Variants in EYA2 observed in about 807,000 individuals in gnomAD.
EYA2 encodes EYA transcriptional coactivator and phosphatase 2, also known as protein phosphatase EYA2.
A neutral mutation model predicts 69.2 loss-of-function variants in EYA2; 31 were observed. That is an observed-to-expected ratio of 0.45 (90% CI 0.34 to 0.60). The LOEUF (loss-of-function observed/expected upper bound fraction) is 0.60. Among genes scored for constraint, EYA2 ranks in the 20% least tolerant of loss-of-function variants. EYA2 has a pLI of 0.02. For synonymous variants in EYA2, 257 were observed against 279.4 expected, an observed-to-expected ratio of 0.92 and a Z score of 0.80; for missense variants, 622 against 701.2, an observed-to-expected ratio of 0.89 and a Z score of 1.28.
intron 10 of EYA2, among the ~76,000 whole-genome samples, chr20:47,164,639 G>A (rs2034143604): frequency 6.6e-6 from 1 of 152,152 alleles, no homozygotes; most frequent in South Asian, 2.1e-4. Context: ...ATATGGCCAT[G>A]GCTCAGAGGT....
In EYA2 at chr20:47,188,754, C is replaced by T. The variant is rs550871963; in HGVS notation, c.*621C>T. 4.3e-5 allele frequency: 7 copies of T among 164,470 alleles called. No homozygotes were observed. The highest frequency in any genetic ancestry group is 9.2e-5 in the Non-Finnish European group (7 of 76,204). The allele number at this position is 164,470 out of a possible 1,614,324, so 10.2% of individuals were successfully genotyped here. On this transcript the variant is annotated 3_prime_UTR_variant, in exon 16 of 16. Coordinates refer to ENST00000327619, the MANE Select transcript of EYA2 (RefSeq NM_005244.5). ...ACAGTGCACGTGCCTTACGCTACAT[C>T]TTGTTTTCTAGGAAGAGGGGGATGC...
chr20:47,012,629 G>A (rs1983139262), intron 4 of EYA2, among the ~76,000 whole-genome samples: 1 of 152,174 alleles, frequency 6.6e-6, no homozygotes, highest in Non-Finnish European at 1.5e-5. Context: ...GAGTAGCTGG[G>A]ATTAGAGGTG....
chr20:47,117,835 G>A (rs532956194), intron 9 of EYA2, among the ~76,000 whole-genome samples: 74 of 152,188 alleles, frequency 4.9e-4, no homozygotes, highest in African/African-American at 1.7e-3. Flanking sequence ...CATTTCTGCC[G>A]TTCATACAGC....
At chr20:46,899,765 C>A (rs1984000336) in intron 1 of EYA2, among the ~76,000 whole-genome samples, 1 of 152,162 alleles carries the variant, frequency 6.6e-6, no homozygotes, top group African/African-American at 2.4e-5. Flanking sequence ...GGCTGCGGGT[C>A]AGTGGGGGCT....
At chr20:47,164,364 G>T (rs2034137288) in intron 10 of EYA2, among the ~76,000 whole-genome samples, 1 of 152,304 alleles carries the variant, frequency 6.6e-6, no homozygotes, top group Non-Finnish European at 1.5e-5. Flanking sequence ...GAAAAACAGA[G>T]CCTCCCCAAA....
chr20:46,998,907 G>A (rs993478515), intron 2 of EYA2, among the ~76,000 whole-genome samples: 1 of 152,112 alleles, frequency 6.6e-6, no homozygotes, highest in East Asian at 1.9e-4. Context: ...CCTGTTTCTC[G>A]CTTGCACAGT....
intron 10 of EYA2, among the ~76,000 whole-genome samples, chr20:47,154,348 C>G (rs1324219118): frequency 6.6e-6 from 1 of 152,046 alleles, no homozygotes; most frequent in Non-Finnish European, 1.5e-5. Flanking sequence ...GGCCCTACCT[C>G]TAAATACAGC....
chr20:47,163,646 C>T (rs1346270219), intron 10 of EYA2, among the ~76,000 whole-genome samples: 2 of 139,302 alleles, frequency 1.4e-5, no homozygotes, highest in East Asian at 2.1e-4. Context: ...TGCAGTGAGC[C>T]GAGACTGCAC....
chr20:46,953,847 G>A (rs1445258474), intron 1 of EYA2, among the ~76,000 whole-genome samples: 3 of 152,180 alleles, frequency 2.0e-5, no homozygotes, highest in African/African-American at 7.2e-5. Context: ...ATAAGTAGGA[G>A]CAAAGGAGCT....
At chr20:46,980,017 C>G (rs1980725973) in intron 1 of EYA2, among the ~76,000 whole-genome samples, 1 of 152,174 alleles carries the variant, frequency 6.6e-6, no homozygotes, top group Non-Finnish European at 1.5e-5. Context: ...GAGCAGATAA[C>G]ACGTCTGGTG....
chr20:46,949,875 C>T (rs962207413), intron 1 of EYA2, among the ~76,000 whole-genome samples: 3 of 152,198 alleles, frequency 2.0e-5, no homozygotes, highest in Non-Finnish European at 4.4e-5. Flanking sequence ...TGGCAAGGGT[C>T]CCAACCCCAG....
At chr20:47,117,406 T>TG in intron 9 of EYA2, 1 of 985,424 alleles carries the variant, frequency 1.0e-6, no homozygotes, top group Non-Finnish European at 1.2e-6. Context: ...TGGCTTTTCT[T>TG]GCAGATCCAG....
intron 5 of EYA2, among the ~76,000 whole-genome samples, chr20:47,031,630 T>C (rs1341772887): frequency 6.6e-6 from 1 of 152,204 alleles, no homozygotes; most frequent in African/African-American, 2.4e-5. Flanking sequence ...CCCAGAGGAA[T>C]GAAGGCCCAG....
At chr20:47,014,627 A>AGT (rs1568724580) in intron 4 of EYA2, among the ~76,000 whole-genome samples, 11 of 71,732 alleles carry the variant, frequency 1.5e-4, no homozygotes, top group African/African-American at 5.8e-4. Context: ...ATGTGCACAA[A>AGT]ATGTGTGTGT....
rs184496826 is a variant in EYA2 at position 46,925,336 on chromosome 20, C to G, written c.-11+30349C>G. 5.9e-5 allele frequency among the ~76,000 whole-genome samples: 9 copies of G among 152,226 alleles called. No homozygotes were observed. In the East Asian group the frequency reaches 1.7e-3, roughly 29 times the overall value. ...GGAAAGAAAAGATTCATGACTGGCC[C>G]TATGTAAAAATAAAACACCTCAGCA... is the stretch of plus-strand genomic sequence containing the variant. On this transcript the variant is annotated intron_variant, in intron 1 of 15. Coordinates refer to ENST00000327619, the MANE Select transcript of EYA2 (RefSeq NM_005244.5).
intron 1 of EYA2, among the ~76,000 whole-genome samples, chr20:46,917,418 T>C (rs1279804066): frequency 2.0e-5 from 3 of 152,188 alleles, no homozygotes; most frequent in African/African-American, 4.8e-5. Flanking sequence ...AAAACGAAGA[T>C]TTGAACGCAT....
intron 1 of EYA2, chr20:46,979,556 C>T (rs1479275807): frequency 6.6e-6 from 1 of 152,168 alleles, no homozygotes; most frequent in African/African-American, 2.4e-5. Flanking sequence ...TTTCTCCTAC[C>T]CCAGATTCCT....
chr20:46,998,807 C>T (rs1054974037), intron 2 of EYA2, among the ~76,000 whole-genome samples: 33 of 152,138 alleles, frequency 2.2e-4, no homozygotes, highest in Non-Finnish European at 4.1e-4. Context: ...AGGTTAAATG[C>T]GATTGATACC....
chr20:46,944,715 C>T (rs1978353214), intron 1 of EYA2, among the ~76,000 whole-genome samples: 1 of 152,100 alleles, frequency 6.6e-6, no homozygotes, highest in Non-Finnish European at 1.5e-5. Flanking sequence ...CATGCCCCTG[C>T]CTGCTCATAC....
Sources: gnomAD v4.1 joint callset for allele counts (sites outside exome capture counted in the v4.1 genomes callset) on GRCh38, gnomAD v4.1.1 for gene constraint, MANE v1.5 for transcripts, NCBI Gene and HGNC (gene_info 2026-07-23, HGNC 2026-07-21) for gene names.